The following RBFOX1 variants were observed in gnomAD, a reference collection of about 807,000 sequenced individuals.
RBFOX1 encodes RNA binding fox-1 homolog 1.
In RBFOX1, 8 loss-of-function variants were observed where a neutral mutation model predicts 57.7. That is an observed-to-expected ratio of 0.14 (90% CI 0.08 to 0.25). The LOEUF is 0.25. Among genes scored for constraint, RBFOX1 ranks in the 10% least tolerant of loss-of-function variants. The pLI, the probability that RBFOX1 is intolerant of heterozygous loss-of-function variation, is 1.00. For synonymous variants in RBFOX1, 326 were observed against 222.4 expected, an observed-to-expected ratio of 1.47 and a Z score of -4.15; for missense variants, 611 against 548.5, an observed-to-expected ratio of 1.11 and a Z score of -1.14.
chr16:7,704,120 T>G (rs1369156284), intron 14 of RBFOX1, among the ~76,000 whole-genome samples: 1 of 152,172 alleles, frequency 6.6e-6, no homozygotes, highest in Non-Finnish European at 1.5e-5. Flanking sequence ...TCTGTCCAAG[T>G]CATGAGAGCA....
intron 3 of RBFOX1, among the ~76,000 whole-genome samples, chr16:5,815,667 C>G (rs1205357007): frequency 6.6e-6 from 1 of 152,124 alleles, no homozygotes; most frequent in Non-Finnish European, 1.5e-5. Context: ...TGTGAAGGTC[C>G]TCAAAGAGTG....
chr16:7,052,103 G>T lies in RBFOX1; in HGVS notation c.27+5G>T, dbSNP rs1463855426. The T allele has an allele frequency of 3.1e-6, 5 of 1,595,164 alleles. No homozygotes were observed. Among genetic ancestry groups the T allele is most frequent in the Non-Finnish European group, 3.4e-6 (4 of 1,174,966 alleles). On this transcript the variant is annotated splice_donor_5th_base_variant and intron_variant, in intron 4 of 15. Coordinates refer to ENST00000550418, the MANE Select transcript of RBFOX1 (RefSeq NM_018723.4). ...TGTGAAAGAGAGCAGCTAAGGGTAG[G>T]TGCACCTGCTTGTAAAATGCTTCCT... is the stretch of plus-strand genomic sequence containing the variant.
chr16:7,034,827 C>CTTTTTTTTTTTCTTTTTTGTTTTTTT, intron 3 of RBFOX1, among the ~76,000 whole-genome samples: 1 of 54,112 alleles, frequency 1.8e-5, no homozygotes, highest in South Asian at 1.0e-3. Context: ...TATTGCATTA[C>CTTTTTTTTTTTCTTTTTTGTTTTTTT]TTTTTTTTTT....
chr16:5,355,923 T>A (rs1424833332), intron 1 of RBFOX1, among the ~76,000 whole-genome samples: 1 of 152,072 alleles, frequency 6.6e-6, no homozygotes, highest in Admixed American at 6.5e-5. Flanking sequence ...AAACCCCGTA[T>A]CTACAAAAAA....
intron 1 of RBFOX1, among the ~76,000 whole-genome samples, chr16:6,293,208 C>T (rs185574190): frequency 3.9e-5 from 6 of 152,102 alleles, no homozygotes; most frequent in Non-Finnish European, 7.4e-5. Flanking sequence ...AAATGAGAAC[C>T]AGAGAGGTTA....
chr16:7,440,836 T>C (rs1023213126), intron 4 of RBFOX1, among the ~76,000 whole-genome samples: 4 of 152,112 alleles, frequency 2.6e-5, no homozygotes, highest in African/African-American at 9.7e-5. Flanking sequence ...TACAAGGAAT[T>C]TTTCAGGGTC....
intron 4 of RBFOX1, among the ~76,000 whole-genome samples, chr16:7,327,428 T>A (rs1469160474): frequency 6.6e-6 from 1 of 152,214 alleles, no homozygotes; most frequent in Non-Finnish European, 1.5e-5. Flanking sequence ...TTACCCACTT[T>A]TGTCTGGAAA....
chr16:6,033,610 G>A (rs963971810), intron 1 of RBFOX1, among the ~76,000 whole-genome samples: 2 of 152,088 alleles, frequency 1.3e-5, no homozygotes, highest in South Asian at 2.1e-4. Context: ...GTGTGCACAC[G>A]CACGTGTATT....
In RBFOX1 at chr16:7,693,682, C is replaced by G. The variant is rs942852538; in HGVS notation, c.996-15374C>G. ...AGTGCTCTTATGGTAAAATAGGGAA[C>G]AGGAAGATTAGGTACACAGACGTAT... On this transcript the variant is annotated intron_variant, in intron 14 of 15. Coordinates refer to ENST00000550418, the MANE Select transcript of RBFOX1 (RefSeq NM_018723.4). Among the ~76,000 whole-genome samples, 24 of 152,118 alleles carry G rather than the reference C, an allele frequency of 1.6e-4. No individual in the cohort carries two copies. The South Asian group carries it at 4.6e-3, about 29-fold the overall frequency.
chr16:7,705,592 A>G (rs1237396683), intron 14 of RBFOX1, among the ~76,000 whole-genome samples: 1 of 152,242 alleles, frequency 6.6e-6, no homozygotes, highest in Non-Finnish European at 1.5e-5. Flanking sequence ...GGACAGAGGC[A>G]GCTTATTCAA....
intron 4 of RBFOX1, among the ~76,000 whole-genome samples, chr16:5,883,740 A>T (rs1379694299): frequency 6.6e-6 from 1 of 152,192 alleles, no homozygotes; most frequent in African/African-American, 2.4e-5. Flanking sequence ...ATTTTTTTAA[A>T]AAAAATCACT....
At chr16:6,987,456 G>GAC (rs199503873) in intron 3 of RBFOX1, among the ~76,000 whole-genome samples, 27,447 of 134,942 alleles carry the variant, frequency 0.2, 2,904 homozygotes, top group Admixed American at 0.25. Context: ...AAACTTTTCA[G>GAC]ACACACACAC....
intron 4 of RBFOX1, among the ~76,000 whole-genome samples, chr16:5,994,093 C>T (rs187978009): frequency 6.4e-4 from 97 of 152,226 alleles, no homozygotes; most frequent in African/African-American, 2.1e-3. Flanking sequence ...GGGGCTCGTT[C>T]GACTCTCTCT....
intron 3 of RBFOX1, among the ~76,000 whole-genome samples, chr16:6,850,356 G>A (rs1467998384): frequency 2.0e-5 from 3 of 152,188 alleles, no homozygotes; most frequent in South Asian, 4.1e-4. Flanking sequence ...TAAGGTGAGT[G>A]TAGTTGGGAG....
intron 4 of RBFOX1, among the ~76,000 whole-genome samples, chr16:5,925,929 C>T (rs572046949): frequency 3.9e-5 from 6 of 152,232 alleles, no homozygotes; most frequent in South Asian, 2.1e-4. Flanking sequence ...CTTATCTCTC[C>T]GTAGACTAAA....
At chr16:6,835,114 G>T (rs2092994078) in intron 3 of RBFOX1, among the ~76,000 whole-genome samples, 1 of 151,966 alleles carries the variant, frequency 6.6e-6, no homozygotes, top group South Asian at 2.1e-4. Context: ...TGTTAGCCAG[G>T]ATGGTCTCAA....
At chr16:7,510,362 G>A (rs1339152716) in intron 4 of RBFOX1, 1 of 980,358 alleles carries the variant, frequency 1.0e-6, no homozygotes, top group East Asian at 1.1e-4. Flanking sequence ...ATTGCGATTT[G>A]AATGAAGCTG....
chr16:6,644,951 T>C (rs1475900413), intron 2 of RBFOX1, among the ~76,000 whole-genome samples: 1 of 152,170 alleles, frequency 6.6e-6, no homozygotes, highest in South Asian at 2.1e-4. Flanking sequence ...TAGCAAATCA[T>C]CACAATCTAG....
intron 4 of RBFOX1, among the ~76,000 whole-genome samples, chr16:7,283,616 C>T (rs147300786): frequency 2.2e-3 from 338 of 152,218 alleles, no homozygotes; most frequent in African/African-American, 7.7e-3. Flanking sequence ...CTCAGCCTCA[C>T]CGTCCTCAGA....
Sources: allele counts gnomAD v4.1 joint callset (sites outside exome capture counted in the v4.1 genomes callset), GRCh38; gene constraint gnomAD v4.1.1; transcripts MANE v1.5; gene names NCBI Gene and HGNC (gene_info 2026-07-23, HGNC 2026-07-21).